The following SGTB variants were observed in gnomAD, a reference collection of about 807,000 sequenced individuals.
The protein encoded by SGTB is small glutamine-rich tetratricopeptide repeat-containing protein beta.
SGTB carries 19 observed loss-of-function variants against 43.9 expected under a neutral mutation model. The observed-to-expected ratio is 0.43, with a 90% CI of 0.30 to 0.63. The LOEUF (loss-of-function observed/expected upper bound fraction) is 0.63. SGTB is among the 30% of genes least tolerant of loss of function. SGTB has a pLI of 0.12. For missense variants in SGTB, 304 were observed against 358.9 expected (o/e 0.85, Z 1.24); for synonymous variants, 116 against 117.3 (o/e 0.99, Z 0.07).
In SGTB at chr5:65,678,882, C is replaced by T. The variant is rs1757333759; in HGVS notation, c.681+1612G>A. ...AAAGACTTAAATGTGCAACTCAAAACTATAAGAACTCTATAAACCGAGGCA... is the reference window on the plus strand; with the variant it reads ...AAAGACTTAAATGTGCAACTCAAAATTATAAGAACTCTATAAACCGAGGCA... On this transcript the variant is annotated intron_variant, in intron 8 of 10. Coordinates refer to ENST00000381007, the MANE Select transcript of SGTB (RefSeq NM_019072.3). Among the ~76,000 whole-genome samples, 5 of 152,156 alleles carry T rather than the reference C, an allele frequency of 3.3e-5. 1 individual carries two copies. The South Asian group carries it at 1.0e-3, about 32-fold the overall frequency.
chr5:65,706,467 T>C (rs6892575), intron 4 of SGTB, among the ~76,000 whole-genome samples: 2,387 of 152,256 alleles, frequency 0.016, 54 homozygotes, highest in African/African-American at 0.055. Context: ...ATACCACAAA[T>C]ATTATACACA....
chr5:65,720,463 A>G (rs562471392), intron 2 of SGTB, among the ~76,000 whole-genome samples: 1 of 152,052 alleles, frequency 6.6e-6, no homozygotes, highest in Non-Finnish European at 1.5e-5. Flanking sequence ...TATAATATGA[A>G]CAGCATACTT....
At chr5:65,706,972 T>C (rs1359081842) in intron 4 of SGTB, among the ~76,000 whole-genome samples, 1 of 151,104 alleles carries the variant, frequency 6.6e-6, no homozygotes, top group Non-Finnish European at 1.5e-5. Flanking sequence ...TTAAAAACAG[T>C]GATATAGGCC....
intron 6 of SGTB, among the ~76,000 whole-genome samples, chr5:65,684,704 C>T (rs2150708379): frequency 6.6e-6 from 1 of 152,214 alleles, no homozygotes; most frequent in Middle Eastern, 3.4e-3. Flanking sequence ...GGGTGCTCAT[C>T]ACCATGCCTG....
chr5:65,714,947 T>C (rs1450214183), intron 2 of SGTB, among the ~76,000 whole-genome samples: 1 of 152,200 alleles, frequency 6.6e-6, no homozygotes, highest in African/African-American at 2.4e-5. Flanking sequence ...CGTAACTAAA[T>C]TATGTTTAGA....
chr5:65,699,838 C>T (rs1194166992), intron 5 of SGTB, among the ~76,000 whole-genome samples: 1 of 152,164 alleles, frequency 6.6e-6, no homozygotes, highest in African/African-American at 2.4e-5. Flanking sequence ...AAATTCATTA[C>T]TTTACAGATT....
chr5:65,666,070 T>C lies in SGTB; in HGVS notation c.*4176A>G, dbSNP rs1030348617. The C allele has an allele frequency of 1.3e-5, 2 of 152,588 alleles. No individual in the cohort carries two copies. The highest frequency in any genetic ancestry group is 6.5e-5 in the Admixed American group (1 of 15,278). 9.5% of individuals were successfully genotyped at this position (152,588 alleles called of 1,614,324 possible). ...AAAATAAAGTGCAAGCAGTGTAAAA[T>C]TGAAGTCTGTCTTTGTTTCAAAATG... On this transcript the variant is annotated 3_prime_UTR_variant, in exon 11 of 11. Coordinates refer to ENST00000381007, the MANE Select transcript of SGTB (RefSeq NM_019072.3).
rs1321564411 is a variant in SGTB, at chr5:65,666,425, T to C, written c.*3821A>G. The C allele has an allele frequency of 6.6e-6, 1 of 152,224 alleles. No homozygotes were observed. Among genetic ancestry groups the C allele is most frequent in the African/African-American group, 2.4e-5 (1 of 41,460 alleles). 9.4% of individuals were successfully genotyped at this position (152,224 alleles called of 1,614,324 possible). On this transcript the variant is annotated 3_prime_UTR_variant, in exon 11 of 11. Coordinates refer to ENST00000381007, the MANE Select transcript of SGTB (RefSeq NM_019072.3). ...TTGCATATATAGAACCTGTTCTGTT[T>C]TACACAGTATCATAATAGCTACAGC...
chr5:65,677,659 C>T (rs1020609141), intron 8 of SGTB, among the ~76,000 whole-genome samples: 6 of 152,174 alleles, frequency 3.9e-5, no homozygotes, highest in African/African-American at 1.2e-4. Flanking sequence ...ACGGAGGCTT[C>T]ATCCCCAAGA....
chr5:65,707,496 G>A (rs541056255), intron 4 of SGTB, among the ~76,000 whole-genome samples: 69 of 150,312 alleles, frequency 4.6e-4, no homozygotes, highest in Admixed American at 2.1e-3. Flanking sequence ...GTACAGTGGC[G>A]TGATCTCGGC....
intron 2 of SGTB, among the ~76,000 whole-genome samples, chr5:65,714,604 C>G (rs933947468): frequency 6.6e-6 from 1 of 152,162 alleles, no homozygotes; most frequent in African/African-American, 2.4e-5. Context: ...CACCTGAGGT[C>G]AGGAGTTCAA....
At chr5:65,722,444 C>T (rs201139520), upstream of SGTB, 1 of 1,565,492 alleles carries the variant, frequency 6.4e-7, no homozygotes, top group Non-Finnish European at 8.7e-7. Context: ...TAACCTTGGC[C>T]GTGGGCAGGG....
intron 5 of SGTB, among the ~76,000 whole-genome samples, chr5:65,692,244 C>T (rs1202541392): frequency 1.3e-5 from 2 of 152,032 alleles, no homozygotes; most frequent in Admixed American, 6.6e-5. Context: ...CAACTATCAA[C>T]GTATGTGATA....
chr5:65,708,634 T>C (rs576179709), intron 3 of SGTB, 76 bp from the exon 4 acceptor site: 3 of 1,105,686 alleles, frequency 2.7e-6, no homozygotes, highest in South Asian at 1.7e-5. Context: ...AAATAAATAA[T>C]AAATTACCCA....
Position 65,666,562 on chromosome 5 carries a change from C to G in SGTB, c.*3684G>C, listed in dbSNP as rs1757043176. The G allele has an allele frequency of 6.6e-6, 1 of 152,122 alleles. No individual in the cohort carries two copies. Among genetic ancestry groups the G allele is most frequent in the Non-Finnish European group, 1.5e-5 (1 of 67,980 alleles). 9.4% of individuals were successfully genotyped at this position (152,122 alleles called of 1,614,324 possible). A position where few individuals can be genotyped will look rare whatever the true frequency, so the allele number is the denominator to read the frequency against. On this transcript the variant is annotated 3_prime_UTR_variant, in exon 11 of 11. Coordinates refer to ENST00000381007, the MANE Select transcript of SGTB (RefSeq NM_019072.3). ...TTAGATAGCAACTATATTTCCCAGA[C>G]AAGCAAGAAAATATATGGGGCATTT...
At chr5:65,703,179 G>A (rs1757855107) in intron 5 of SGTB, among the ~76,000 whole-genome samples, 2 of 152,114 alleles carry the variant, frequency 1.3e-5, no homozygotes, top group South Asian at 4.1e-4. Context: ...CAACCTCCAT[G>A]TCCACCAGTA....
chr5:65,718,181 C>T (rs974779108), intron 2 of SGTB, among the ~76,000 whole-genome samples: 10 of 152,062 alleles, frequency 6.6e-5, no homozygotes, highest in Non-Finnish European at 1.3e-4. Flanking sequence ...TCTCAATCTC[C>T]GCATACTGAC....
intron 5 of SGTB, among the ~76,000 whole-genome samples, chr5:65,704,035 C>CAAAAAAAAAAAAAAAAAAAAAAA (rs11405488): frequency 1.5e-5 from 2 of 133,370 alleles, no homozygotes; most frequent in African/African-American, 2.7e-5. Context: ...GACTCCGTCT[C>CAAAAAAAAAAAAAAAAAAAAAAA]AAAAAAAAAA....
At position 65,666,432 on chromosome 5, in the gene SGTB, G is replaced by A. The variant is rs920674518; in HGVS notation, c.*3814C>T. ...TATAGAACCTGTTCTGTTTTACACAGTATCATAATAGCTACAGCTACTACA... is the reference window on the plus strand; with the variant it reads ...TATAGAACCTGTTCTGTTTTACACAATATCATAATAGCTACAGCTACTACA... On this transcript the variant is annotated 3_prime_UTR_variant, in exon 11 of 11. Transcript: ENST00000381007. 1 of 152,158 alleles carries A rather than the reference G, an allele frequency of 6.6e-6. No homozygotes were observed. Among genetic ancestry groups the A allele is most frequent in the Admixed American group, 6.5e-5 (1 of 15,274 alleles). 9.4% of individuals were successfully genotyped at this position (152,158 alleles called of 1,614,324 possible).
Sources: gnomAD v4.1 joint callset for allele counts (sites outside exome capture counted in the v4.1 genomes callset) on GRCh38, gnomAD v4.1.1 for gene constraint, MANE v1.5 for transcripts, NCBI Gene and HGNC (gene_info 2026-07-23, HGNC 2026-07-21) for gene names.